PIK3C3: variants seen among roughly 807,000 people sequenced by gnomAD.
PIK3C3 encodes the protein phosphatidylinositol 3-kinase catalytic subunit type 3.
In PIK3C3, 95 loss-of-function variants were observed where a neutral mutation model predicts 126.1. The ratio of observed to expected loss-of-function variants is 0.75; its 90% CI spans 0.64 to 0.89. The LOEUF is 0.89. Ranked by LOEUF, PIK3C3 falls within the 40% of genes least tolerant of loss-of-function variation. The pLI is 0.00. For synonymous variants in PIK3C3, 374 were observed against 360.0 expected, an observed-to-expected ratio of 1.04 and a Z score of -0.44; for missense variants, 829 against 1,063.2, an observed-to-expected ratio of 0.78 and a Z score of 3.06.
At chr18:42,049,638 T>C (rs781573988) in intron 21 of PIK3C3, 33 bp downstream of exon 21, 23 of 1,459,960 alleles carry the variant, frequency 1.6e-5, no homozygotes, top group African/African-American at 4.2e-5. Context: ...AGACATACAT[T>C]GTATATGCCC....
At chr18:41,955,443 A>G (rs1313165444) in intron 1 of PIK3C3, 84 bp downstream of exon 1, 6 of 1,195,030 alleles carry the variant, frequency 5.0e-6, no homozygotes, top group Non-Finnish European at 7.4e-6. Flanking sequence ...GAGAGGCAGA[A>G]AGTACGTGAC....
At chr18:42,015,423 T>C (rs1291622143) in intron 11 of PIK3C3, 53 bp from the exon 12 acceptor site, 1 of 1,383,790 alleles carries the variant, frequency 7.2e-7, no homozygotes, top group Non-Finnish European at 1.0e-6. Flanking sequence ...TTGTGCGTTC[T>C]CTTATGGACA....
At chr18:41,960,018 A>G (rs985412471) in intron 2 of PIK3C3, among the ~76,000 whole-genome samples, 1 of 152,210 alleles carries the variant, frequency 6.6e-6, no homozygotes, top group African/African-American at 2.4e-5. Context: ...TCATAAAGGG[A>G]TCTCTTGCTA....
At position 42,076,165 on chromosome 18, in the gene PIK3C3, C is replaced by CATATAT. The variant is rs375558824; in HGVS notation, c.2650-4951_2650-4946dup. Among the ~76,000 whole-genome samples the CATATAT allele has an allele frequency of 6.1e-3, 628 of 103,650 alleles. 6 individuals carry two copies. Among genetic ancestry groups the CATATAT allele is most frequent in the Non-Finnish European group, 8.0e-3 (435 of 54,186 alleles). 68.0% of individuals were successfully genotyped at this position (103,650 alleles called of 152,430 possible). A position where few individuals can be genotyped will look rare whatever the true frequency, so the allele number is the denominator to read the frequency against. On this transcript the variant is annotated intron_variant, in intron 24 of 24. Coordinates refer to ENST00000262039, the MANE Select transcript of PIK3C3 (RefSeq NM_002647.4). ...ATATGCGCATATATATATATATGCA[C>CATATAT]ATATATATATATGCACATATATATA...
At chr18:41,996,606 C>T in intron 8 of PIK3C3, 32 bp from the exon 9 acceptor site, 1 of 1,131,722 alleles carries the variant, frequency 8.8e-7, no homozygotes, top group Non-Finnish European at 1.3e-6. Flanking sequence ...GTATTGTTGA[C>T]AAAATTAGTT....
chr18:41,994,881 A>G (rs1340947358), intron 7 of PIK3C3, among the ~76,000 whole-genome samples: 1 of 152,084 alleles, frequency 6.6e-6, no homozygotes, highest in African/African-American at 2.4e-5. Flanking sequence ...CTACAAAAAA[A>G]TAAAATAAAT....
chr18:42,003,368 G>A (rs111434011), intron 9 of PIK3C3, among the ~76,000 whole-genome samples: 1 of 152,192 alleles, frequency 6.6e-6, no homozygotes, highest in Non-Finnish European at 1.5e-5. Context: ...CTTGGGTTCA[G>A]CCAGGAAAGT....
chr18:41,981,815 A>T (rs1004532343), intron 4 of PIK3C3, among the ~76,000 whole-genome samples: 3 of 151,328 alleles, frequency 2.0e-5, no homozygotes, highest in Non-Finnish European at 2.9e-5. Context: ...CAAAAAAAAA[A>T]AAAAGAAAAA....
At chr18:41,970,506 G>A (rs772356866) in intron 4 of PIK3C3, 50 bp downstream of exon 4, 1 of 1,529,920 alleles carries the variant, frequency 6.5e-7, no homozygotes, top group Non-Finnish European at 9.0e-7. Flanking sequence ...GATGTCTATT[G>A]TAGTATATAT....
chr18:41,970,079 ACT>A (rs775343431), intron 3 of PIK3C3, among the ~76,000 whole-genome samples: 2 of 151,666 alleles, frequency 1.3e-5, no homozygotes, highest in East Asian at 1.9e-4. Context: ...CTCTCCTTCC[ACT>A]CTCTGTGTAG....
chr18:42,006,611 A>G (rs1295025752), intron 10 of PIK3C3, among the ~76,000 whole-genome samples: 1 of 152,020 alleles, frequency 6.6e-6, no homozygotes, highest in Non-Finnish European at 1.5e-5. Flanking sequence ...TAGGAATAAC[A>G]AAAAAAATTT....
chr18:42,064,834 A>T lies in PIK3C3; in HGVS notation c.2523+4A>T, dbSNP rs955749788. On this transcript the variant is annotated splice_donor_region_variant and intron_variant, in intron 23 of 24. Transcript: ENST00000262039. The stretch of plus-strand genomic sequence containing the variant: ...ACCAGATAAAACTGTGAAAAAGGTA[A>T]TTTTTAAGTAACATAAATGAAGAGC... 1 of 1,459,370 alleles carries T rather than the reference A, an allele frequency of 6.9e-7. No individual in the cohort carries two copies. Among genetic ancestry groups the T allele is most frequent in the Non-Finnish European group, 9.6e-7 (1 of 1,039,884 alleles). 90.4% of individuals were successfully genotyped at this position (1,459,370 alleles called of 1,614,324 possible). A position where few individuals can be genotyped will look rare whatever the true frequency, so the allele number is the denominator to read the frequency against.
At chr18:42,081,100 T>C (rs775855346) in intron 24 of PIK3C3, 23 bp from the exon 25 acceptor site, 5 of 1,368,938 alleles carry the variant, frequency 3.7e-6, no homozygotes, top group Admixed American at 3.5e-5. Flanking sequence ...TATTTTCTGT[T>C]TATTTCTTTT....
At chr18:41,981,992 A>T (rs543438519) in intron 4 of PIK3C3, among the ~76,000 whole-genome samples, 1 of 152,058 alleles carries the variant, frequency 6.6e-6, no homozygotes, top group Admixed American at 6.6e-5. Context: ...TCAAAAAAAA[A>T]AAGGTACTGC....
rs1489556987 is a variant in PIK3C3, at chr18:42,086,950, A to G, written c.*5813A>G. The stretch of plus-strand genomic sequence containing the variant: ...AGAACCCTCTCTTGGAGTCTTAACC[A>G]GGATCCCTTTCCAGTAACTTCAGCA... On this transcript the variant is annotated 3_prime_UTR_variant, in exon 25 of 25. Transcript: ENST00000262039. 1 of 152,172 alleles carries G rather than the reference A, an allele frequency of 6.6e-6. No homozygotes were observed. The highest frequency in any genetic ancestry group is 1.5e-5 in the Non-Finnish European group (1 of 68,038). 9.4% of individuals were successfully genotyped at this position (152,172 alleles called of 1,614,324 possible).
intron 4 of PIK3C3, among the ~76,000 whole-genome samples, chr18:41,986,664 T>C (rs670429): frequency 0.081 from 12,282 of 152,118 alleles, 1,629 homozygotes; most frequent in African/African-American, 0.28. Context: ...TAGGTCTCTT[T>C]CCATGTTGCT....
Position 42,058,060 on chromosome 18 carries a change from AT to A in PIK3C3, c.2432+12del. ...TTCCTCCACCTGCGAAGGTAAGTTG[AT>A]TTGCTTGGCACAGAGAATTTGGGTA... On this transcript the variant is annotated intron_variant, in intron 22 of 24. Coordinates refer to ENST00000262039, the MANE Select transcript of PIK3C3 (RefSeq NM_002647.4). The A allele has an allele frequency of 6.4e-7, 1 of 1,569,530 alleles. No individual in the cohort carries two copies. Among genetic ancestry groups the A allele is most frequent in the Non-Finnish European group, 8.6e-7 (1 of 1,161,214 alleles).
rs187010702 is a variant in PIK3C3, at chr18:42,017,803, T to G, written c.1416+2237T>G. On this transcript the variant is annotated intron_variant, in intron 12 of 24. Transcript: ENST00000262039. ...TTTTCCTTTGAATTTTTTTGTAGCC[T>G]TATATTTTAGGTTTATGTTTATATT... Among the ~76,000 whole-genome samples the G allele has an allele frequency of 2.5e-3, 377 of 152,112 alleles. 1 individual carries two copies. Among genetic ancestry groups the G allele is most frequent in the African/African-American group, 8.8e-3 (365 of 41,552 alleles).
intron 3 of PIK3C3, among the ~76,000 whole-genome samples, chr18:41,968,684 A>G (rs1980495802): frequency 6.6e-6 from 1 of 152,222 alleles, no homozygotes; most frequent in African/African-American, 2.4e-5. Context: ...TACACATTAT[A>G]TAATGTTGAG....
Sources: gnomAD v4.1 joint callset for allele counts (sites outside exome capture counted in the v4.1 genomes callset) on GRCh38, gnomAD v4.1.1 for gene constraint, MANE v1.5 for transcripts, NCBI Gene and HGNC (gene_info 2026-07-23, HGNC 2026-07-21) for gene names.